The following RNF11 variants were observed in gnomAD, a reference collection of about 807,000 sequenced individuals.
RNF11 encodes ring finger protein 11.
In RNF11, 4 loss-of-function variants were observed where a neutral mutation model predicts 15.8. The observed-to-expected ratio is 0.25, with a 90% CI of 0.12 to 0.58. RNF11 has a LOEUF of 0.58. Among genes scored for constraint, RNF11 ranks in the 20% least tolerant of loss-of-function variants. The pLI, the probability that RNF11 is intolerant of heterozygous loss-of-function variation, is 0.91. For synonymous variants in RNF11, 68 were observed against 72.3 expected (o/e 0.94, Z 0.30); for missense variants, 139 against 194.4 (o/e 0.71, Z 1.70).
intron 1 of RNF11, among the ~76,000 whole-genome samples, chr1:51,263,189 T>C (rs1351522751): frequency 6.6e-6 from 1 of 152,170 alleles, no homozygotes. Flanking sequence ...CCCAATAAAA[T>C]GAAAACATGT....
At chr1:51,271,129 T>G (rs781393567) in intron 2 of RNF11, 22 bp from the exon 3 acceptor site, 74 of 1,603,878 alleles carry the variant, frequency 4.6e-5, no homozygotes, top group Non-Finnish European at 6.1e-5. Context: ...GCCTTCTGAT[T>G]TCTCTCCATT....
intron 1 of RNF11, among the ~76,000 whole-genome samples, chr1:51,263,571 G>A (rs1013696613): frequency 3.3e-5 from 5 of 152,064 alleles, no homozygotes; most frequent in East Asian, 1.9e-4. Flanking sequence ...GGTAATTCTC[G>A]TGCTTTCAGA....
chr1:51,248,640 A>T (rs1646863719), intron 1 of RNF11, among the ~76,000 whole-genome samples: 1 of 152,192 alleles, frequency 6.6e-6, no homozygotes, highest in Non-Finnish European at 1.5e-5. Context: ...AATAGTACAT[A>T]ATCAATTATT....
chr1:51,250,653 G>C, intron 1 of RNF11: 1 of 768,616 alleles, frequency 1.3e-6, no homozygotes, highest in Admixed American at 2.1e-5. Flanking sequence ...TCTGGCGTGG[G>C]CCTTGATGAG....
At chr1:51,257,030 A>G (rs533737969) in intron 1 of RNF11, among the ~76,000 whole-genome samples, 1 of 152,210 alleles carries the variant, frequency 6.6e-6, no homozygotes, top group Non-Finnish European at 1.5e-5. Flanking sequence ...CTGTTACCAC[A>G]CATCCTTGCC....
At chr1:51,249,971 C>T (rs1186472930) in intron 1 of RNF11, among the ~76,000 whole-genome samples, 1 of 152,178 alleles carries the variant, frequency 6.6e-6, no homozygotes, top group Non-Finnish European at 1.5e-5. Context: ...TTTGCTTTCA[C>T]ACATACCTAT....
chr1:51,269,486 A>C (rs1341314825), intron 1 of RNF11, among the ~76,000 whole-genome samples: 1 of 152,202 alleles, frequency 6.6e-6, no homozygotes, highest in Non-Finnish European at 1.5e-5. Context: ...TTGTGTAAAA[A>C]ATCAGTTGGA....
intron 1 of RNF11, among the ~76,000 whole-genome samples, chr1:51,256,790 T>C (rs1557680508): frequency 1.3e-5 from 2 of 152,108 alleles, no homozygotes; most frequent in Admixed American, 6.6e-5. Context: ...TCTCGTGCCT[T>C]AGCCTCCCGA....
At chr1:51,238,064 C>T (rs1646812967) in intron 1 of RNF11, among the ~76,000 whole-genome samples, 1 of 152,130 alleles carries the variant, frequency 6.6e-6, no homozygotes, top group Non-Finnish European at 1.5e-5. Flanking sequence ...GCCTCCATGA[C>T]TTCTCCCTCT....
At chr1:51,252,652 A>G (rs1018074445) in intron 1 of RNF11, among the ~76,000 whole-genome samples, 10 of 152,136 alleles carry the variant, frequency 6.6e-5, no homozygotes, top group Non-Finnish European at 1.3e-4. Context: ...TTGCGACTGC[A>G]CTGGGGGTTG....
intron 1 of RNF11, among the ~76,000 whole-genome samples, chr1:51,246,418 A>G (rs917855637): frequency 2.0e-5 from 3 of 152,098 alleles, no homozygotes; most frequent in Admixed American, 1.3e-4. Context: ...CTACAAAAAA[A>G]TAAAAAATTA....
intron 1 of RNF11, 148 bp downstream of exon 1, chr1:51,237,027 C>G (rs1278397317): frequency 9.1e-7 from 1 of 1,099,164 alleles, no homozygotes; most frequent in African/African-American, 1.6e-5. Context: ...GGCATTTGCT[C>G]TCTGATCTCA....
intron 1 of RNF11, among the ~76,000 whole-genome samples, chr1:51,249,322 T>C (rs1018487756): frequency 4.6e-5 from 7 of 152,300 alleles, no homozygotes; most frequent in South Asian, 2.1e-4. Context: ...CAGGATAGCA[T>C]TGGGCTCAAG....
chr1:51,257,404 G>T (rs1263779885), intron 1 of RNF11, among the ~76,000 whole-genome samples: 1 of 151,942 alleles, frequency 6.6e-6, no homozygotes, highest in Admixed American at 6.5e-5. Flanking sequence ...GCCCCAATTG[G>T]GTCCACTTGG....
chr1:51,257,699 C>G (rs2148071117), intron 1 of RNF11, among the ~76,000 whole-genome samples: 1 of 152,078 alleles, frequency 6.6e-6, no homozygotes, highest in East Asian at 1.9e-4. Flanking sequence ...CTCAAGTGAT[C>G]CGCCTGCCTC....
intron 1 of RNF11, among the ~76,000 whole-genome samples, chr1:51,260,152 T>G (rs911382293): frequency 6.6e-6 from 1 of 152,214 alleles, no homozygotes; most frequent in Non-Finnish European, 1.5e-5. Flanking sequence ...AAGATAAATT[T>G]ATACCTTTAA....
At chr1:51,251,328 C>T (rs1320970297) in intron 1 of RNF11, 5 of 1,516,208 alleles carry the variant, frequency 3.3e-6, no homozygotes, top group South Asian at 1.2e-5. Context: ...CTTGCCTCCG[C>T]GAGCTCCGCG....
chr1:51,269,386 G>A (rs1646968719), intron 1 of RNF11, among the ~76,000 whole-genome samples: 1 of 152,192 alleles, frequency 6.6e-6, no homozygotes, highest in South Asian at 2.1e-4. Context: ...AGTTGTGTTT[G>A]TGCCACTGCA....
At position 51,248,131 on chromosome 1, in the gene RNF11, C is replaced by T. The variant is rs182607382; in HGVS notation, c.123+11252C>T. 4.6e-3 allele frequency among the ~76,000 whole-genome samples: 577 copies of T among 124,622 alleles called. 7 individuals are homozygous for T. Among genetic ancestry groups the T allele is most frequent in the Admixed American group, 0.028 (287 of 10,242 alleles). 81.8% of individuals were successfully genotyped at this position (124,622 alleles called of 152,430 possible). A position where few individuals can be genotyped will look rare whatever the true frequency, so the allele number is the denominator to read the frequency against. ...TTTTTTTTTTTTTGAGATGGAGCTT[C>T]GCTCTTGTTGCTCAGGTTGGAGTGC... On this transcript the variant is annotated intron_variant, in intron 1 of 2. Coordinates refer to ENST00000242719, the MANE Select transcript of RNF11 (RefSeq NM_014372.5).
Sources: allele counts gnomAD v4.1 joint callset (sites outside exome capture counted in the v4.1 genomes callset), GRCh38; gene constraint gnomAD v4.1.1; transcripts MANE v1.5; gene names NCBI Gene and HGNC (gene_info 2026-07-23, HGNC 2026-07-21).